The following LIN7A variants were observed in gnomAD, a reference collection of about 807,000 sequenced individuals.
LIN7A encodes lin-7 cell polarity scaffold A.
Under a neutral mutation model 29.8 loss-of-function variants are expected in LIN7A, and 25 were observed. The ratio of observed to expected loss-of-function variants is 0.84; its 90% CI spans 0.61 to 1.17. LIN7A has a LOEUF of 1.17. Among genes scored for constraint, LIN7A ranks in the 50% most tolerant of loss-of-function variants. The pLI, the probability that LIN7A is intolerant of heterozygous loss-of-function variation, is 0.00. For missense variants in LIN7A, 239 were observed against 287.0 expected (o/e 0.83, Z 1.21); for synonymous variants, 118 against 107.5 (o/e 1.10, Z -0.60).
At chr12:80,881,385 T>C (rs139790516) in intron 2 of LIN7A, among the ~76,000 whole-genome samples, 1 of 152,324 alleles carries the variant, frequency 6.6e-6, no homozygotes, top group Non-Finnish European at 1.5e-5. Context: ...CAGAAAGAGA[T>C]ATGCACAAAC....
At chr12:80,833,011 A>G (rs536850072) in intron 4 of LIN7A, among the ~76,000 whole-genome samples, 67 of 152,264 alleles carry the variant, frequency 4.4e-4, no homozygotes, top group African/African-American at 1.4e-3. Flanking sequence ...AATATCAGCA[A>G]TTTCAAGGGT....
chr12:80,872,162 T>C (rs2120503770), intron 2 of LIN7A, among the ~76,000 whole-genome samples: 1 of 152,224 alleles, frequency 6.6e-6, no homozygotes, highest in South Asian at 2.1e-4. Context: ...TTTATGCCAT[T>C]GTGATTAAAT....
At chr12:80,879,118 T>A (rs183350278) in intron 2 of LIN7A, among the ~76,000 whole-genome samples, 184 of 152,322 alleles carry the variant, frequency 1.2e-3, no homozygotes, top group African/African-American at 4.3e-3. Context: ...TTCATGTAGA[T>A]GCAATCTATG....
Position 80,902,851 on chromosome 12 carries a change from A to C in LIN7A, c.83-13482T>G, listed in dbSNP as rs868669485. On this transcript the variant is annotated intron_variant, in intron 1 of 5. Coordinates refer to ENST00000552864, the MANE Select transcript of LIN7A (RefSeq NM_004664.4). ...TTCTTTTACTATTTGGATCCCTTTT[A>C]TTTCTTTCTTTTGCCTGTTGCTCTG... 1.7e-4 allele frequency among the ~76,000 whole-genome samples: 26 copies of C among 151,678 alleles called. No individual in the cohort carries two copies. In the South Asian group the frequency reaches 2.3e-3, roughly 13 times the overall value.
chr12:80,845,067 T>A (rs1873000355), intron 4 of LIN7A, among the ~76,000 whole-genome samples: 1 of 151,822 alleles, frequency 6.6e-6, no homozygotes, highest in African/African-American at 2.4e-5. Flanking sequence ...TGAAACCTCA[T>A]CTCTACTAAA....
chr12:80,794,341 T>C lies in LIN7A; in HGVS notation c.*3386A>G, dbSNP rs1403272349. 6.6e-6 allele frequency: 1 copy of C among 152,190 alleles called. No individual in the cohort carries two copies. Among genetic ancestry groups the C allele is most frequent in the African/African-American group, 2.4e-5 (1 of 41,448 alleles). 9.4% of individuals were successfully genotyped at this position (152,190 alleles called of 1,614,324 possible). ...ATATTTTGGAAGATCTTTTTCTATG[T>C]TGGCCTCCCTGAATCTTCAGAGCAT... On this transcript the variant is annotated 3_prime_UTR_variant, in exon 6 of 6. Coordinates refer to ENST00000552864, the MANE Select transcript of LIN7A (RefSeq NM_004664.4).
intron 1 of LIN7A, among the ~76,000 whole-genome samples, chr12:80,925,487 G>T (rs570716062): frequency 6.6e-6 from 1 of 152,176 alleles, no homozygotes; most frequent in Non-Finnish European, 1.5e-5. Context: ...ACTCAGCAAA[G>T]AAATAATTAT....
At chr12:80,831,603 T>C (rs1872353311) in intron 4 of LIN7A, among the ~76,000 whole-genome samples, 3 of 152,144 alleles carry the variant, frequency 2.0e-5, no homozygotes, top group Admixed American at 2.0e-4. Context: ...ATATGCAAAA[T>C]TATATCCAAT....
rs537452380 is a variant in LIN7A, at chr12:80,849,810, A to C, written c.202-1488T>G. 2.0e-5 allele frequency among the ~76,000 whole-genome samples: 3 copies of C among 152,158 alleles called. No individual in the cohort carries two copies. The South Asian group carries it at 6.2e-4, about 32-fold the overall frequency. On this transcript the variant is annotated intron_variant, in intron 2 of 5. Coordinates refer to ENST00000552864, the MANE Select transcript of LIN7A (RefSeq NM_004664.4). ...CACCTGGCAGACTCTTATTCATCCA[A>C]ATTTAATATGATGATAAAAGGTCAA... is the stretch of plus-strand genomic sequence containing the variant.
intron 5 of LIN7A, among the ~76,000 whole-genome samples, chr12:80,809,313 G>A (rs1474084853): frequency 6.6e-6 from 1 of 152,154 alleles, no homozygotes; most frequent in Non-Finnish European, 1.5e-5. Context: ...AAAGCCTCAT[G>A]TTATATCCAA....
chr12:80,837,880 T>A lies in LIN7A; in HGVS notation c.483+7850A>T, dbSNP rs183369449. The stretch of plus-strand genomic sequence containing the variant: ...ATCATCATCATCATCATGTTCTTAC[T>A]TTCTACCAGATTATAACCCTTTTTT... On this transcript the variant is annotated intron_variant, in intron 4 of 5. Coordinates refer to ENST00000552864, the MANE Select transcript of LIN7A (RefSeq NM_004664.4). Among the ~76,000 whole-genome samples, 5 of 152,120 alleles carry A rather than the reference T, an allele frequency of 3.3e-5. No individual in the cohort carries two copies. The East Asian group carries it at 7.7e-4, about 24-fold the overall frequency.
At position 80,794,474 on chromosome 12, in the gene LIN7A, A is replaced by G. The variant is rs764557799; in HGVS notation, c.*3253T>C. ...TTAGGCATTATTCACACATCCACACATATCTATAGATGTTTAAAATAATGT... is the reference window on the plus strand; with the variant it reads ...TTAGGCATTATTCACACATCCACACGTATCTATAGATGTTTAAAATAATGT... On this transcript the variant is annotated 3_prime_UTR_variant, in exon 6 of 6. Coordinates refer to ENST00000552864, the MANE Select transcript of LIN7A (RefSeq NM_004664.4). The G allele has an allele frequency of 6.6e-6, 1 of 152,184 alleles. No individual in the cohort carries two copies. The highest frequency in any genetic ancestry group is 1.5e-5 in the Non-Finnish European group (1 of 68,016). The allele number at this position is 152,184 out of a possible 1,614,324, so 9.4% of individuals were successfully genotyped here. A position where few individuals can be genotyped will look rare whatever the true frequency, so the allele number is the denominator to read the frequency against.
At chr12:80,869,748 GT>G (rs59507364) in intron 2 of LIN7A, among the ~76,000 whole-genome samples, 39,439 of 146,508 alleles carry the variant, frequency 0.27, 5,458 homozygotes, top group Admixed American at 0.38. Flanking sequence ...TACGCCAATG[GT>G]TTTTTTTTTT....
intron 1 of LIN7A, among the ~76,000 whole-genome samples, chr12:80,919,299 A>T (rs540495803): frequency 4.4e-4 from 67 of 152,356 alleles, no homozygotes; most frequent in Non-Finnish European, 8.7e-4. Context: ...GCAAAACAGT[A>T]GTAGTAAAAG....
At chr12:80,839,701 T>G (rs1215874030) in intron 4 of LIN7A, among the ~76,000 whole-genome samples, 1 of 152,222 alleles carries the variant, frequency 6.6e-6, no homozygotes, top group African/African-American at 2.4e-5. Context: ...CAGTTCTAAT[T>G]TTTATTTCAT....
At chr12:80,915,436 C>A (rs1273459269) in intron 1 of LIN7A, among the ~76,000 whole-genome samples, 1 of 152,144 alleles carries the variant, frequency 6.6e-6, no homozygotes, top group Non-Finnish European at 1.5e-5. Context: ...AAATGTAAAA[C>A]AGTCCAGCCG....
intron 4 of LIN7A, among the ~76,000 whole-genome samples, chr12:80,839,518 A>G (rs988050355): frequency 6.6e-6 from 1 of 152,250 alleles, no homozygotes; most frequent in African/African-American, 2.4e-5. Context: ...CAATGAATAC[A>G]AATTACTGCC....
At chr12:80,860,214 G>GA (rs1399670705) in intron 2 of LIN7A, among the ~76,000 whole-genome samples, 4 of 152,262 alleles carry the variant, frequency 2.6e-5, no homozygotes, top group Admixed American at 2.6e-4. Flanking sequence ...CCCTTTGGTA[G>GA]AGTTTTGGCA....
At chr12:80,803,646 T>G (rs1274238269) in intron 5 of LIN7A, among the ~76,000 whole-genome samples, 3 of 152,182 alleles carry the variant, frequency 2.0e-5, no homozygotes, top group Non-Finnish European at 4.4e-5. Context: ...TGGGATTTTT[T>G]TTTCCTACTT....
Sources: gnomAD v4.1 joint callset for allele counts (sites outside exome capture counted in the v4.1 genomes callset) on GRCh38, gnomAD v4.1.1 for gene constraint, MANE v1.5 for transcripts, NCBI Gene and HGNC (gene_info 2026-07-23, HGNC 2026-07-21) for gene names.